Variants in ZBTB46 observed in about 807,000 individuals in gnomAD.
ZBTB46 encodes the protein zinc finger and BTB domain containing 46.
ZBTB46 carries 8 observed loss-of-function variants against 44.1 expected under a neutral mutation model. The observed-to-expected ratio is 0.18, with a 90% CI of 0.11 to 0.33. The LOEUF (loss-of-function observed/expected upper bound fraction) is 0.33. Ranked by LOEUF, ZBTB46 falls within the 10% of genes least tolerant of loss-of-function variation. ZBTB46 has a pLI of 1.00. For synonymous variants in ZBTB46, 409 were observed against 382.3 expected (o/e 1.07, Z -0.81); for missense variants, 651 against 847.7 (o/e 0.77, Z 2.88).
chr20:63,753,019 C>G (rs568661938), intron 3 of ZBTB46, among the ~76,000 whole-genome samples, 158 bp from the exon 4 acceptor site: 261 of 152,326 alleles, frequency 1.7e-3, no homozygotes, highest in African/African-American at 5.9e-3. Flanking sequence ...GCCAGGCTCC[C>G]CCACCATCTG....
At chr20:63,791,507 A>G (rs1601479623) in intron 1 of ZBTB46, among the ~76,000 whole-genome samples, 3 of 151,382 alleles carry the variant, frequency 2.0e-5, no homozygotes, top group African/African-American at 7.3e-5. Flanking sequence ...AAAAAAAAAA[A>G]AAAAAAAAAA....
upstream of ZBTB46, among the ~76,000 whole-genome samples, chr20:63,832,534 C>G (rs1030470783): frequency 1.3e-5 from 2 of 152,162 alleles, no homozygotes; most frequent in Non-Finnish European, 2.9e-5. This position sits in a 1 kb window ranked among gnomAD's most constrained non-coding sequence, Gnocchi z 5.0. Flanking sequence ...CAGTGGGAGG[C>G]GGCTGAGGGC....
intron 3 of ZBTB46, among the ~76,000 whole-genome samples, chr20:63,766,142 A>G (rs189750342): frequency 6.6e-6 from 1 of 151,240 alleles, no homozygotes; most frequent in East Asian, 1.9e-4. Context: ...AGATGCCACA[A>G]GTTTCTTCTG....
chr20:63,829,299 A>G (rs2092835683), intron 1 of ZBTB46, among the ~76,000 whole-genome samples: 1 of 152,178 alleles, frequency 6.6e-6, no homozygotes, highest in South Asian at 2.1e-4. Flanking sequence ...CTCACACAAA[A>G]CAGCTAAACC....
intron 1 of ZBTB46, among the ~76,000 whole-genome samples, chr20:63,811,477 C>T (rs1369269822): frequency 2.0e-5 from 3 of 152,166 alleles, no homozygotes; most frequent in Non-Finnish European, 4.4e-5. Context: ...TGGAAGGATA[C>T]GACTGTCACC....
At position 63,761,232 on chromosome 20, in the gene ZBTB46, CAA is replaced by C. The variant is rs549489783; in HGVS notation, c.1223-8373_1223-8372del. Among the ~76,000 whole-genome samples, 80 of 151,550 alleles carry C rather than the reference CAA, an allele frequency of 5.3e-4. 2 individuals are homozygous for C. The highest frequency in any genetic ancestry group is 8.6e-4 in the Non-Finnish European group (58 of 67,730). ...CAGACTGGTCTCGAACTCCTGACCT[CAA>C]GTGATTGACGCACTTCAGCCTCCCA... On this transcript the variant is annotated intron_variant, in intron 3 of 4. Transcript: ENST00000245663.
chr20:63,748,091 C>T (rs2092122321), intron 4 of ZBTB46, among the ~76,000 whole-genome samples: 1 of 144,918 alleles, frequency 6.9e-6, no homozygotes, highest in African/African-American at 2.5e-5. Context: ...ACCCCTCAGC[C>T]CGACCCTGAC....
intron 1 of ZBTB46, among the ~76,000 whole-genome samples, chr20:63,800,105 G>A (rs571607354): frequency 9.2e-5 from 14 of 152,290 alleles, no homozygotes; most frequent in Admixed American, 3.9e-4. Context: ...AGGCAGCTCA[G>A]GCACAAGAAG....
chr20:63,810,363 A>C (rs1042019323), intron 1 of ZBTB46, among the ~76,000 whole-genome samples: 9 of 152,226 alleles, frequency 5.9e-5, no homozygotes, highest in Admixed American at 5.2e-4. Context: ...TAACGGGAAG[A>C]AATGAGAACA....
At chr20:63,809,130 C>T (rs927758225) in intron 1 of ZBTB46, among the ~76,000 whole-genome samples, 1 of 152,162 alleles carries the variant, frequency 6.6e-6, no homozygotes, top group Non-Finnish European at 1.5e-5. Context: ...CGTTCCCCTT[C>T]GCAGGGACCG....
intron 1 of ZBTB46, among the ~76,000 whole-genome samples, chr20:63,813,949 G>A (rs2092732546): frequency 6.6e-6 from 1 of 152,088 alleles, no homozygotes; most frequent in Non-Finnish European, 1.5e-5. Flanking sequence ...AAAACAGTGG[G>A]AAGGGCCGGG....
intron 1 of ZBTB46, among the ~76,000 whole-genome samples, chr20:63,826,529 T>A (rs1167692743): frequency 6.6e-6 from 1 of 150,880 alleles, no homozygotes; most frequent in African/African-American, 2.5e-5. Flanking sequence ...GAGACCATCC[T>A]GGCTAACATG....
intron 1 of ZBTB46, among the ~76,000 whole-genome samples, chr20:63,821,196 T>TTTC (rs1236499322): frequency 4.0e-5 from 6 of 151,556 alleles, no homozygotes; most frequent in Admixed American, 3.9e-4. Flanking sequence ...TTTTTTTTTT[T>TTTC]TTCAGTAGAG....
At chr20:63,791,452 C>T (rs6062319) in intron 1 of ZBTB46, among the ~76,000 whole-genome samples, 35,623 of 144,282 alleles carry the variant, frequency 0.25, 4,348 homozygotes, top group Middle Eastern at 0.38. Flanking sequence ...GCCGAGATCG[C>T]GCCAGTGCAC....
intron 3 of ZBTB46, among the ~76,000 whole-genome samples, chr20:63,760,269 T>C (rs2092261566): frequency 6.6e-6 from 1 of 152,212 alleles, no homozygotes; most frequent in African/African-American, 2.4e-5. Context: ...GGGAAGGCTT[T>C]AAAGTTATTA....
intron 1 of ZBTB46, among the ~76,000 whole-genome samples, chr20:63,819,003 T>C (rs944905124): frequency 2.6e-5 from 4 of 151,668 alleles, no homozygotes; most frequent in African/African-American, 7.3e-5. Context: ...GAAACCCCGT[T>C]TCTACTACAG....
At chr20:63,800,804 A>G (rs545266824) in intron 1 of ZBTB46, among the ~76,000 whole-genome samples, 2 of 152,294 alleles carry the variant, frequency 1.3e-5, no homozygotes, top group African/African-American at 4.8e-5. Flanking sequence ...GAAGCCCGCC[A>G]TGCCTGAGCC....
chr20:63,761,606 A>G (rs1304073458), intron 3 of ZBTB46, among the ~76,000 whole-genome samples: 2 of 151,858 alleles, frequency 1.3e-5, no homozygotes, highest in African/African-American at 4.8e-5. Context: ...ATATAGTGGA[A>G]CTCTGTCTCT....
upstream of ZBTB46, among the ~76,000 whole-genome samples, chr20:63,833,243 T>C (rs2092860611): frequency 6.6e-6 from 1 of 152,036 alleles, no homozygotes; most frequent in African/African-American, 2.4e-5. Flanking sequence ...AACCTTGATC[T>C]CACCACGACC....
Sources: allele counts gnomAD v4.1 joint callset (sites outside exome capture counted in the v4.1 genomes callset), GRCh38; gene constraint gnomAD v4.1.1; non-coding constraint Gnocchi (gnomAD v3.1); transcripts MANE v1.5; gene names NCBI Gene and HGNC (gene_info 2026-07-23, HGNC 2026-07-21).